Variants in SEMA5A observed in about 807,000 individuals in gnomAD.
SEMA5A encodes semaphorin-5A.
SEMA5A carries 55 observed loss-of-function variants against 135.5 expected under a neutral mutation model. The ratio of observed to expected loss-of-function variants is 0.41; its 90% confidence interval spans 0.33 to 0.51. The LOEUF (loss-of-function observed/expected upper bound fraction) is 0.51, where lower values mean the gene tolerates loss of function less well. Among genes scored for constraint, SEMA5A ranks in the 20% least tolerant of loss-of-function variants. The pLI, the probability that SEMA5A is intolerant of heterozygous loss-of-function variation, is 0.37. For synonymous variants in SEMA5A, 580 were observed against 546.5 expected, an observed-to-expected ratio of 1.06 and a Z score of -0.85; for missense variants, 1,290 against 1,419.9, an observed-to-expected ratio of 0.91 and a Z score of 1.47.
At chr5:9,302,555 A>T (rs3777316) in intron 5 of SEMA5A, among the ~76,000 whole-genome samples, 21,224 of 152,198 alleles carry the variant, frequency 0.14, 1,573 homozygotes, top group South Asian at 0.19. Context: ...TGTGTTCATT[A>T]TGCTCATGAA....
intron 11 of SEMA5A, among the ~76,000 whole-genome samples, chr5:9,187,750 G>T (rs1341726307): frequency 2.0e-5 from 3 of 152,184 alleles, no homozygotes; most frequent in South Asian, 2.1e-4. Context: ...ACAATAAAGC[G>T]AATCTCTGCG....
chr5:9,135,844 A>C (rs868360297), intron 13 of SEMA5A, among the ~76,000 whole-genome samples: 1 of 152,222 alleles, frequency 6.6e-6, no homozygotes, highest in Non-Finnish European at 1.5e-5. Context: ...AACAAAAAAA[A>C]AGCAAAAAAT....
intron 6 of SEMA5A, among the ~76,000 whole-genome samples, chr5:9,235,397 G>A (rs1276289508): frequency 6.6e-6 from 1 of 152,194 alleles, no homozygotes; most frequent in Non-Finnish European, 1.5e-5. Flanking sequence ...TGTGTTTCCT[G>A]CCATGTATGG....
At chr5:9,180,375 C>A (rs1256091020) in intron 11 of SEMA5A, among the ~76,000 whole-genome samples, 2 of 152,122 alleles carry the variant, frequency 1.3e-5, no homozygotes, top group African/African-American at 4.8e-5. Context: ...ATCAAAGAAG[C>A]ACTCAAATTA....
At chr5:9,235,371 G>A (rs1453562409) in intron 6 of SEMA5A, among the ~76,000 whole-genome samples, 1 of 152,194 alleles carries the variant, frequency 6.6e-6, no homozygotes, top group African/African-American at 2.4e-5. Flanking sequence ...TTCCCGACCA[G>A]GTCAATGTCT....
At chr5:9,457,075 T>G (rs542231525) in intron 1 of SEMA5A, among the ~76,000 whole-genome samples, 1 of 152,332 alleles carries the variant, frequency 6.6e-6, no homozygotes. Flanking sequence ...AGCCCAAATA[T>G]GTATCTATTT....
intron 3 of SEMA5A, among the ~76,000 whole-genome samples, chr5:9,358,390 C>T (rs763190762): frequency 7.9e-5 from 12 of 152,140 alleles, no homozygotes; most frequent in African/African-American, 1.4e-4. Flanking sequence ...GGTGGTCTGA[C>T]GCCTGTCGTT....
intron 8 of SEMA5A, among the ~76,000 whole-genome samples, 162 bp downstream of exon 8, chr5:9,224,512 T>C (rs1002355840): frequency 3.3e-5 from 5 of 152,230 alleles, no homozygotes; most frequent in Admixed American, 1.3e-4. Context: ...AATAGCCATA[T>C]GATATCCTGT....
intron 11 of SEMA5A, among the ~76,000 whole-genome samples, chr5:9,171,226 A>T (rs1371725670): frequency 6.6e-6 from 1 of 152,136 alleles, no homozygotes; most frequent in Non-Finnish European, 1.5e-5. Context: ...TTGGTGTTTG[A>T]CAGTGAGAGA....
intron 5 of SEMA5A, among the ~76,000 whole-genome samples, chr5:9,298,477 GT>G (rs1751448656): frequency 1.3e-5 from 2 of 152,176 alleles, no homozygotes; most frequent in African/African-American, 4.8e-5. Context: ...TTGTTTCTCT[GT>G]TATAGCAGGT....
intron 5 of SEMA5A, among the ~76,000 whole-genome samples, chr5:9,306,838 A>G (rs1243218781): frequency 2.6e-5 from 4 of 152,228 alleles, no homozygotes; most frequent in African/African-American, 7.2e-5. Context: ...AGAACAGTAC[A>G]TAGGTTCCCT....
At chr5:9,150,319 A>G (rs1742563766) in intron 12 of SEMA5A, among the ~76,000 whole-genome samples, 1 of 152,178 alleles carries the variant, frequency 6.6e-6, no homozygotes, top group African/African-American at 2.4e-5. Context: ...TGCAACTTAT[A>G]CACAGATGTG....
chr5:9,468,947 G>C (rs932364497), intron 1 of SEMA5A, among the ~76,000 whole-genome samples: 2 of 152,102 alleles, frequency 1.3e-5, no homozygotes, highest in Non-Finnish European at 2.9e-5. Flanking sequence ...TCATTTTTCT[G>C]AGCCTCCAAA....
chr5:9,543,251 C>G (rs560800209), intron 1 of SEMA5A, among the ~76,000 whole-genome samples: 1 of 152,124 alleles, frequency 6.6e-6, no homozygotes, highest in East Asian at 1.9e-4. Flanking sequence ...AATCCATGGA[C>G]GGGGCTTCAG....
chr5:9,441,768 G>T (rs3798020), intron 1 of SEMA5A, among the ~76,000 whole-genome samples: 2 of 152,136 alleles, frequency 1.3e-5, no homozygotes, highest in African/African-American at 4.8e-5. Flanking sequence ...CATGTGCCAC[G>T]ATGACTACCT....
chr5:9,543,049 G>A (rs1185352388), intron 1 of SEMA5A, among the ~76,000 whole-genome samples: 1 of 152,160 alleles, frequency 6.6e-6, no homozygotes, highest in African/African-American at 2.4e-5. Flanking sequence ...TAATCACCAA[G>A]TTAAGTAAAA....
At chr5:9,174,378 C>T (rs548193975) in intron 11 of SEMA5A, among the ~76,000 whole-genome samples, 1 of 152,304 alleles carries the variant, frequency 6.6e-6, no homozygotes, top group Admixed American at 6.5e-5. Flanking sequence ...TCCTTCTGTT[C>T]CTTAAGGTAT....
chr5:9,198,682 T>C (rs1019126016), intron 9 of SEMA5A, among the ~76,000 whole-genome samples: 1 of 152,170 alleles, frequency 6.6e-6, no homozygotes. Flanking sequence ...CAGCTATGGG[T>C]TTGTTCACTT....
At chr5:9,119,415 C>A (rs1740694321) in intron 14 of SEMA5A, among the ~76,000 whole-genome samples, 1 of 152,050 alleles carries the variant, frequency 6.6e-6, no homozygotes, top group Non-Finnish European at 1.5e-5. Context: ...TAGAAACTAT[C>A]AAAAAACTTG....
Sources: gnomAD v4.1 joint callset for allele counts (sites outside exome capture counted in the v4.1 genomes callset) on GRCh38, gnomAD v4.1.1 for gene constraint, MANE v1.5 for transcripts, NCBI Gene and HGNC (gene_info 2026-07-23, HGNC 2026-07-21) for gene names.